PKD1: variants seen among roughly 807,000 people sequenced by gnomAD.
PKD1 encodes the protein polycystin-1.
PKD1 carries 81 observed loss-of-function variants against 361.7 expected under a neutral mutation model. The ratio of observed to expected loss-of-function variants is 0.22; its 90% CI spans 0.19 to 0.27. The LOEUF (loss-of-function observed/expected upper bound fraction) is 0.27, where lower values mean the gene tolerates loss of function less well. PKD1 is among the 10% of genes least tolerant of loss of function. The pLI, the probability that PKD1 is intolerant of heterozygous loss-of-function variation, is 1.00. For missense variants in PKD1, 6,399 were observed against 6,118.3 expected (o/e 1.05, Z -1.53); for synonymous variants, 3,615 against 2,818.3 (o/e 1.28, Z -8.95).
At position 2,111,013 on chromosome 16, in the gene PKD1, A is replaced by C; in HGVS notation, c.4154T>G (p.Leu1385Arg). ...CTGCACAAACTGCCTCTCTGGCTGCAGGGTGACGTTGCCCACCTCTGGCTC... is the reference window on the plus strand; with the variant it reads ...CTGCACAAACTGCCTCTCTGGCTGCCGGGTGACGTTGCCCACCTCTGGCTC... ...CVEPEVGNVT[L>R]QPERQFVQLG... The change falls in exon 15 of 46, where the codon CTG (leucine) becomes CGG (arginine). Residue 1385 changes from leucine to arginine, a missense_variant. By Grantham distance (102) the Leu-to-Arg change is moderately radical. Transcript: ENST00000262304. 6.2e-7 allele frequency: 1 copy of C among 1,610,652 alleles called. No individual in the cohort carries two copies.
Position 2,089,071 on chromosome 16 carries a change from G to A in PKD1, c.*656C>T, listed in dbSNP as rs900255572. 5 of 184,484 alleles carry A rather than the reference G, an allele frequency of 2.7e-5. No individual in the cohort carries two copies. Among genetic ancestry groups the A allele is most frequent in the South Asian group, 1.2e-4 (1 of 8,352 alleles). The allele number at this position is 184,484 out of a possible 1,614,324, so 11.4% of individuals were successfully genotyped here. On this transcript the variant is annotated 3_prime_UTR_variant, in exon 46 of 46. Coordinates refer to ENST00000262304, the MANE Select transcript of PKD1 (RefSeq NM_001009944.3). The stretch of plus-strand genomic sequence containing the variant: ...GGCAAGGGAGGATGACAAGGCCTCT[G>A]GGGTGATGAGAGTGCCTGGCAGACA...
In PKD1 at chr16:2,109,226, C is replaced by T. The variant is rs142174466; in HGVS notation, c.5941G>A (p.Glu1981Lys). ...TCAGTGCCCGTGGCGATGCCAGGCT[C>T]GCAGCAGTTGGGCACCTGCAGCCCA... ...VSGLQVPNCC[E>K]PGIATGTERN... Residue 1981 changes from glutamate to lysine, a missense_variant, in exon 15 of 46, where the codon GAG becomes AAG. Glu to Lys is a moderately conservative substitution (Grantham distance 56). Coordinates refer to ENST00000262304, the MANE Select transcript of PKD1 (RefSeq NM_001009944.3). 1.2e-5 allele frequency: 19 copies of T among 1,591,112 alleles called. No individual in the cohort carries two copies. Among genetic ancestry groups the T allele is most frequent in the East Asian group, 6.8e-5 (3 of 44,402 alleles).
intron 23 of PKD1, 32 bp from the exon 24 acceptor site, chr16:2,103,002 C>T (rs545158166): frequency 5.1e-5 from 81 of 1,598,360 alleles, no homozygotes; most frequent in African/African-American, 1.1e-4. Context: ...ACACGCCTGC[C>T]GGGAAGCTCA....
Position 2,102,888 on chromosome 16 carries a change from C to T in PKD1, c.8874G>A (p.Ser2958=), listed in dbSNP as rs376474411. ...ACTCTGGGCGGATCCTCCTGCTAGC[C>T]GAGCAGTTGTGCTCATTGGGCCGGG... ...SEPRPNEHNC[S]ASRRIRPESL... The change falls in exon 24 of 46, where the codon TCG becomes TCA. Residue 2958 remains serine (S), a synonymous_variant. Coordinates refer to ENST00000262304, the MANE Select transcript of PKD1 (RefSeq NM_001009944.3). The T allele has an allele frequency of 5.2e-5, 83 of 1,610,108 alleles. No individual in the cohort carries two copies. In the East Asian group the frequency reaches 7.1e-4, roughly 14 times the overall value.
rs762657963 is a variant in PKD1, at chr16:2,111,405, C to T, written c.3762G>A (p.Ser1254=). The T allele has an allele frequency of 7.4e-6, 12 of 1,611,580 alleles. No homozygotes were observed. The highest frequency in any genetic ancestry group is 4.0e-5 in the African/African-American group (3 of 74,892). The part of the protein sequence containing the change: ...TFDMGDGTVL[S]GPEATVEHVY... Reference sequence around the variant, plus strand: ...CATGCTCCACTGTTGCCTCCGGGCCCGACAGCACGGTGCCGTCCCCCATGT... The same window carrying T: ...CATGCTCCACTGTTGCCTCCGGGCCTGACAGCACGGTGCCGTCCCCCATGT... The change falls in exon 15 of 46, where the codon TCG becomes TCA. Residue 1254 remains serine, a synonymous_variant. Coordinates refer to ENST00000262304, the MANE Select transcript of PKD1 (RefSeq NM_001009944.3).
Position 2,090,779 on chromosome 16 carries a change from C to T in PKD1, c.12033G>A (p.Gln4011=). 1 of 1,612,626 alleles carries T rather than the reference C, an allele frequency of 6.2e-7. No homozygotes were observed. Among genetic ancestry groups the T allele is most frequent in the Non-Finnish European group, 8.5e-7 (1 of 1,179,962 alleles). The change falls in exon 44 of 46, where the codon CAG becomes CAA. Residue 4011 remains glutamine, a synonymous_variant. Coordinates refer to ENST00000262304, the MANE Select transcript of PKD1 (RefSeq NM_001009944.3). ...ATAATGTCTTGCCAAAGACGGACCACTGGCGCACGAAGCGTAGCTGCTGGG... is the reference window on the plus strand; with the variant it reads ...ATAATGTCTTGCCAAAGACGGACCATTGGCGCACGAAGCGTAGCTGCTGGG... ...KAAQQLRFVR[Q]WSVFGKTLCR... is the part of the protein sequence containing the mutation.
Position 2,092,594 on chromosome 16 carries a change from TGCCACA to T in PKD1, c.11157-8_11157-3del. ...ATCCATGGCCAGAGCTCCTCAGACC[TGCCACA>T]GCATCAGTCACACGCTCCAGCCCCT... On this transcript the variant is annotated splice_polypyrimidine_tract_variant and splice_region_variant and intron_variant, in intron 38 of 45. Transcript: ENST00000262304. 3 of 1,597,230 alleles carry T rather than the reference TGCCACA, an allele frequency of 1.9e-6. No individual in the cohort carries two copies. The highest frequency in any genetic ancestry group is 2.6e-6 in the Non-Finnish European group (3 of 1,166,858).
rs371587349 is a variant in PKD1 at position 2,116,544 on chromosome 16, C to T, written c.1707G>A (p.Pro569=). 72 of 1,545,894 alleles carry T rather than the reference C, an allele frequency of 4.7e-5. No homozygotes were observed. In the South Asian group the frequency reaches 5.9e-4, roughly 13 times the overall value. ...GGCCGACTACCTCCACGGGCTCGTG[C>T]GGGGCTGAGAGGCCGTCCTGCTGTG... is the stretch of plus-strand genomic sequence containing the variant. ...PLAQQDGLSA[P]HEPVEVMVFP... The change falls in exon 8 of 46, where the codon CCG becomes CCA. Residue 569 remains proline (P), a synonymous_variant. Transcript: ENST00000262304.
chr16:2,096,812 C>T (rs1187211000), intron 34 of PKD1: 16 of 370,292 alleles, frequency 4.3e-5, no homozygotes, highest in African/African-American at 1.9e-4. Context: ...CCACCGCGCC[C>T]GGCCAAAAAT....
In PKD1 at chr16:2,114,625, C is replaced by A. The variant is rs1488905400; in HGVS notation, c.2398G>T (p.Ala800Ser). The change falls in exon 11 of 46, where the codon GCA becomes TCA. Residue 800 changes from alanine (A) to serine (S), a missense_variant. By Grantham distance (99) the Ala-to-Ser change is moderately conservative. Transcript: ENST00000262304. The part of the protein sequence containing the change: ...LRLPGRYEVR[A>S]EVGNGVSRHN... The stretch of plus-strand genomic sequence containing the variant: ...CTGGACACGCCATTGCCCACCTCTG[C>A]CCGGACCTCATAGCGCCCAGGCAGC... The A allele has an allele frequency of 6.4e-7, 1 of 1,574,136 alleles. No homozygotes were observed. Among genetic ancestry groups the A allele is most frequent in the South Asian group, 1.1e-5 (1 of 87,830 alleles).
In PKD1 at chr16:2,115,645, T is replaced by C. The variant is rs367560828; in HGVS notation, c.1850-20A>G. 1.2e-4 allele frequency: 187 copies of C among 1,595,210 alleles called. 1 individual carries two copies. The African/African-American group carries it at 2.1e-3, about 18-fold the overall frequency. On this transcript the variant is annotated intron_variant, in intron 9 of 45. Transcript: ENST00000262304. ...GGGTCCCTGTGAGGAGGGGAGGGTG[T>C]TGGGGCCCTGATTTGCCCACAGGCC...
intron 22 of PKD1, 100 bp downstream of exon 22, chr16:2,104,398 A>AGATGGGATGGG: frequency 1.5e-6 from 1 of 661,370 alleles, no homozygotes; most frequent in Non-Finnish European, 2.4e-6. Flanking sequence ...AGGGGGACGA[A>AGATGGGATGGG]GATGGGATGG....
chr16:2,102,069 C>T lies in PKD1; in HGVS notation c.9389G>A (p.Arg3130Gln), dbSNP rs1189917633. ...CCCGCTGCGCCCCTCACCTGAGCCC[C>T]GGCCCCAGCCTGTCTTGACGAGGAT... is the stretch of plus-strand genomic sequence containing the variant. ...YEILVKTGWG[R>Q]GSGTTAHVGI... The change falls in exon 26 of 46, where the codon CGG becomes CAG. Residue 3130 changes from arginine to glutamine, a missense_variant. By Grantham distance (43) the Arg-to-Gln change is conservative. Coordinates refer to ENST00000262304, the MANE Select transcript of PKD1 (RefSeq NM_001009944.3). The T allele has an allele frequency of 5.8e-6, 9 of 1,548,302 alleles. No homozygotes were observed. Among genetic ancestry groups the T allele is most frequent in the South Asian group, 3.5e-5 (3 of 86,220 alleles).
At chr16:2,093,237 C>T in intron 37 of PKD1, 144 bp from the exon 38 acceptor site, 1 of 970,724 alleles carries the variant, frequency 1.0e-6, no homozygotes, top group East Asian at 2.5e-5. Flanking sequence ...TCTACCTGGC[C>T]AGGGTAATGG....
At position 2,089,809 on chromosome 16, in the gene PKD1, G is replaced by A; in HGVS notation, c.12830C>T (p.Ala4277Val). The A allele has an allele frequency of 6.2e-7, 1 of 1,600,344 alleles. No homozygotes were observed. The highest frequency in any genetic ancestry group is 8.5e-7 in the Non-Finnish European group (1 of 1,174,250). The change falls in exon 46 of 46, where the codon GCC becomes GTC. Residue 4277 changes from alanine (A) to valine (V), a missense_variant. Ala to Val is a moderately conservative substitution (Grantham distance 64). Coordinates refer to ENST00000262304, the MANE Select transcript of PKD1 (RefSeq NM_001009944.3). ...AGTGGCCAGGTCCACACCCCGACTG[G>A]CCCGGGCAAGGCGGCTGGGCAGTGC... ...RPALPSRLAR[A>V]SRGVDLATGP...
rs1430379983 is a variant in PKD1 at position 2,104,543 on chromosome 16, T to G, written c.8116A>C (p.Thr2706Pro). The change falls in exon 22 of 46, where the codon ACC becomes CCC. Residue 2706 changes from threonine (T) to proline (P), a missense_variant. Thr to Pro is a conservative substitution (Grantham distance 38). Coordinates refer to ENST00000262304, the MANE Select transcript of PKD1 (RefSeq NM_001009944.3). ...LILQAETTAG[T>P]VTPTAIGDSI... is the part of the protein sequence containing the mutation. ...TCTCCGATGGCGGTGGGCGTCACGGTGCCCGCGGTGGTCTCTGCCTGCAGG... is the reference window on the plus strand; with the variant it reads ...TCTCCGATGGCGGTGGGCGTCACGGGGCCCGCGGTGGTCTCTGCCTGCAGG... 6.3e-7 allele frequency: 1 copy of G among 1,583,966 alleles called. No individual in the cohort carries two copies.
intron 1 of PKD1, among the ~76,000 whole-genome samples, chr16:2,126,226 T>G (rs1040728918): frequency 1.3e-5 from 2 of 152,214 alleles, no homozygotes; most frequent in African/African-American, 4.8e-5. Context: ...AGCTGTGACG[T>G]TCCCTGGGCA....
In PKD1 at chr16:2,088,855, T is replaced by G; in HGVS notation, c.*872A>C. Reference sequence around the variant, plus strand: ...GAGGGCCTTGAGGCTGCCTGGGCCATACAGCACACTCGCGCGTGCGCGCGC... The same window carrying G: ...GAGGGCCTTGAGGCTGCCTGGGCCAGACAGCACACTCGCGCGTGCGCGCGC... On this transcript the variant is annotated 3_prime_UTR_variant, in exon 46 of 46. Transcript: ENST00000262304. 3.5e-6 allele frequency: 2 copies of G among 564,294 alleles called. No individual in the cohort carries two copies. Among genetic ancestry groups the G allele is most frequent in the Non-Finnish European group, 6.3e-6 (2 of 317,208 alleles). The allele number at this position is 564,294 out of a possible 1,614,324, so 35.0% of individuals were successfully genotyped here.
intron 16 of PKD1, 172 bp downstream of exon 16, chr16:2,107,711 A>G (rs2092392493): frequency 1.5e-6 from 1 of 676,142 alleles, no homozygotes; most frequent in Non-Finnish European, 2.6e-6. Context: ...GAACTGTGGC[A>G]GGTTTGGAAG....
Sources: gnomAD v4.1 joint callset for allele counts (sites outside exome capture counted in the v4.1 genomes callset) on GRCh38, gnomAD v4.1.1 for gene constraint, MANE v1.5 for transcripts, NCBI Gene and HGNC (gene_info 2026-07-23, HGNC 2026-07-21) for gene names.